Variants in PMS1 observed in about 807,000 individuals in gnomAD.
PMS1 encodes the protein PMS1 protein homolog 1.
In PMS1, 79 loss-of-function variants were observed where a neutral mutation model predicts 93.1. That is an observed-to-expected ratio of 0.85 (90% CI 0.71 to 1.02). The LOEUF is 1.02. Among genes scored for constraint, PMS1 ranks in the 50% least tolerant of loss-of-function variants. PMS1 has a pLI of 0.00. For missense variants in PMS1, 1,064 were observed against 1,085.3 expected (o/e 0.98, Z 0.28); for synonymous variants, 335 against 363.4 (o/e 0.92, Z 0.89).
In PMS1 at chr2:189,877,435, G is replaced by A. The variant is rs1281977072; in HGVS notation, c.2798G>A (p.Ter933=). ...HHLTYLPETT[*] The stretch of plus-strand genomic sequence containing the variant: ...TTAACCTATCTTCCAGAAACTACAT[G>A]ATTAAATATGTTTAAGAAGATTAGT... Residue 933 remains the stop codon, a stop_retained_variant, in exon 13 of 13, where the codon TGA becomes TAA. Transcript: ENST00000441310. 4.4e-6 allele frequency: 7 copies of A among 1,601,366 alleles called. No individual in the cohort carries two copies. In the South Asian group the frequency reaches 4.4e-5, roughly 10 times the overall value.
chr2:189,817,821 C>T (rs1233275), intron 4 of PMS1, among the ~76,000 whole-genome samples, 196 bp from the exon 5 acceptor site: 2,663 of 152,132 alleles, frequency 0.018, 70 homozygotes, highest in African/African-American at 0.06. Flanking sequence ...GGTCATACTT[C>T]GTAGGTCAGT....
At chr2:189,870,965 C>G (rs560624197) in intron 11 of PMS1, among the ~76,000 whole-genome samples, 4 of 152,332 alleles carry the variant, frequency 2.6e-5, no homozygotes, top group African/African-American at 9.6e-5. Flanking sequence ...GAAATGACCA[C>G]AAGCCTTCCT....
At chr2:189,837,237 C>T (rs1256733841) in intron 5 of PMS1, among the ~76,000 whole-genome samples, 7 of 151,756 alleles carry the variant, frequency 4.6e-5, no homozygotes, top group South Asian at 4.2e-4. Flanking sequence ...GAGCCACTCC[C>T]ACCTCAGCCT....
chr2:189,873,244 A>C (rs918630276), intron 11 of PMS1, among the ~76,000 whole-genome samples: 1 of 152,206 alleles, frequency 6.6e-6, no homozygotes, highest in African/African-American at 2.4e-5. Flanking sequence ...AACAAATTTA[A>C]GGAACAGAAC....
intron 5 of PMS1, among the ~76,000 whole-genome samples, chr2:189,822,811 C>A (rs2052052232): frequency 6.6e-6 from 1 of 152,156 alleles, no homozygotes; most frequent in African/African-American, 2.4e-5. Context: ...TATACTGTAT[C>A]TGAAGAAAAC....
intron 10 of PMS1, among the ~76,000 whole-genome samples, chr2:189,864,602 G>A (rs1466601450): frequency 2.2e-5 from 3 of 136,096 alleles, no homozygotes; most frequent in Non-Finnish European, 4.6e-5. Context: ...GTTGCAGTGA[G>A]CTGAGACGGT....
chr2:189,854,577 A>G lies in PMS1; in HGVS notation c.1305A>G (p.Ala435=), dbSNP rs760872306. The G allele has an allele frequency of 1.2e-6, 2 of 1,613,712 alleles. No homozygotes were observed. The highest frequency in any genetic ancestry group is 1.7e-6 in the Non-Finnish European group (2 of 1,179,694). The part of the protein sequence containing the change: ...ISNIDKNTKN[A]FQDISMSNVS... ...ACATTGATAAAAACACTAAGAATGCATTTCAGGACATTTCAATGAGTAATG... is the reference window on the plus strand; with the variant it reads ...ACATTGATAAAAACACTAAGAATGCGTTTCAGGACATTTCAATGAGTAATG... Residue 435 remains alanine (A), a synonymous_variant, in exon 9 of 13, where the codon GCA becomes GCG. Coordinates refer to ENST00000441310, the MANE Select transcript of PMS1 (RefSeq NM_000534.5).
At chr2:189,874,030 A>T (rs1052166705) in intron 12 of PMS1, among the ~76,000 whole-genome samples, 2 of 152,188 alleles carry the variant, frequency 1.3e-5, no homozygotes, top group Non-Finnish European at 2.9e-5. Context: ...TATTTCTTAA[A>T]ATAGTAAATT....
chr2:189,824,473 C>T (rs936563614), intron 5 of PMS1, among the ~76,000 whole-genome samples: 2 of 151,686 alleles, frequency 1.3e-5, no homozygotes, highest in African/African-American at 4.8e-5. Flanking sequence ...TACATTAAAC[C>T]TGTTCATATG....
chr2:189,826,121 G>T (rs561910008), intron 5 of PMS1, among the ~76,000 whole-genome samples: 1 of 152,122 alleles, frequency 6.6e-6, no homozygotes, highest in Admixed American at 6.6e-5. Context: ...AACCTTTTAC[G>T]TGATCATCTT....
intron 9 of PMS1, chr2:189,857,367 T>C (rs2055441091): frequency 2.6e-6 from 1 of 385,946 alleles, no homozygotes; most frequent in Non-Finnish European, 5.4e-6. Flanking sequence ...CCTGGGACCA[T>C]GATCAGCTGA....
chr2:189,788,669 A>G (rs1419811237), intron 1 of PMS1, among the ~76,000 whole-genome samples: 1 of 152,144 alleles, frequency 6.6e-6, no homozygotes, highest in African/African-American at 2.4e-5. Flanking sequence ...TTAATAATAT[A>G]TTTTATGTAA....
At chr2:189,803,997 G>A (rs1223907036) in intron 3 of PMS1, among the ~76,000 whole-genome samples, 7 of 152,134 alleles carry the variant, frequency 4.6e-5, no homozygotes, top group Non-Finnish European at 1.0e-4. Flanking sequence ...TAAAGGATGA[G>A]CAAATTAATA....
At chr2:189,875,955 CAAAAAAAAAAAA>C (rs561168809) in intron 12 of PMS1, among the ~76,000 whole-genome samples, 1 of 46,192 alleles carries the variant, frequency 2.2e-5, no homozygotes, top group South Asian at 9.4e-4. Context: ...GACTCTGTCT[CAAAAAAAAAAAA>C]AAAAAAAAAA....
chr2:189,820,368 G>A (rs1238573660), intron 5 of PMS1, among the ~76,000 whole-genome samples: 1 of 151,786 alleles, frequency 6.6e-6, no homozygotes, highest in South Asian at 2.1e-4. Flanking sequence ...GCAGTGGCAC[G>A]ATCACAGCTC....
intron 2 of PMS1, 52 bp from the exon 3 acceptor site, chr2:189,795,717 G>C: frequency 7.3e-7 from 1 of 1,365,980 alleles, no homozygotes; most frequent in African/African-American, 1.4e-5. Context: ...TTCTAAGTGT[G>C]ATAACAGTTT....
rs562248054 is a variant in PMS1 at position 189,877,618 on chromosome 2, A to G, written c.*182A>G. On this transcript the variant is annotated 3_prime_UTR_variant, in exon 13 of 13. Coordinates refer to ENST00000441310, the MANE Select transcript of PMS1 (RefSeq NM_000534.5). ...TTGTAGAAAACGTAAATAAACTAAT[A>G]TAGACTATTCATTTGATTCTCAAGA... 1.2e-5 allele frequency: 7 copies of G among 569,134 alleles called. No individual in the cohort carries two copies. In the South Asian group the frequency reaches 1.5e-4, roughly 13 times the overall value. 35.3% of individuals were successfully genotyped at this position (569,134 alleles called of 1,614,324 possible). A position where few individuals can be genotyped will look rare whatever the true frequency, so the allele number is the denominator to read the frequency against.
rs528285363 is a variant in PMS1, at chr2:189,816,505, T to A, written c.419-1512T>A. On this transcript the variant is annotated intron_variant, in intron 4 of 12. Coordinates refer to ENST00000441310, the MANE Select transcript of PMS1 (RefSeq NM_000534.5). ...ATTTAGGATTTCCAGTAGAATGTAC[T>A]TTCTTTTTTCTTCCTAAAATATTTC... is the stretch of plus-strand genomic sequence containing the variant. Among the ~76,000 whole-genome samples the A allele has an allele frequency of 5.3e-5, 8 of 152,320 alleles. 1 individual carries two copies. The East Asian group carries it at 1.5e-3, about 29-fold the overall frequency.
chr2:189,835,906 C>CA (rs3067429), intron 5 of PMS1, among the ~76,000 whole-genome samples: 3,026 of 86,574 alleles, frequency 0.035, 85 homozygotes, highest in Admixed American at 0.078. Flanking sequence ...TAGCCTGTCT[C>CA]AAAAAAAAAA....
Sources: gnomAD v4.1 joint callset for allele counts (sites outside exome capture counted in the v4.1 genomes callset) on GRCh38, gnomAD v4.1.1 for gene constraint, MANE v1.5 for transcripts, NCBI Gene and HGNC (gene_info 2026-07-23, HGNC 2026-07-21) for gene names.